PREPL: variants seen among roughly 807,000 people sequenced by gnomAD.
PREPL encodes the protein prolyl endopeptidase like, also known as prolyl endopeptidase-like.
In PREPL, 77 loss-of-function variants were observed where a neutral mutation model predicts 70.6. The observed-to-expected ratio is 1.09, with a 90% CI of 0.91 to 1.32. The LOEUF (loss-of-function observed/expected upper bound fraction) is 1.32, where lower values mean the gene tolerates loss of function less well. Among genes scored for constraint, PREPL ranks in the 40% most tolerant of loss-of-function variants. The pLI is 0.00. For synonymous variants in PREPL, 315 were observed against 264.8 expected (o/e 1.19, Z -1.84); for missense variants, 1,002 against 778.2 (o/e 1.29, Z -3.42).
intron 6 of PREPL, 106 bp from the exon 7 acceptor site, chr2:44,338,642 A>G: frequency 2.2e-6 from 2 of 928,616 alleles, no homozygotes; most frequent in East Asian, 2.5e-5. Flanking sequence ...TCACTGTTTT[A>G]TGAAGAGCTG....
intron 7 of PREPL, among the ~76,000 whole-genome samples, chr2:44,334,606 C>T (rs1558497725): frequency 6.6e-6 from 1 of 152,164 alleles, no homozygotes; most frequent in Non-Finnish European, 1.5e-5. Context: ...AATGCAGTGG[C>T]GTGATCTCGG....
In PREPL at chr2:44,318,036, T is replaced by C; in HGVS notation, c.*3320A>G. On this transcript the variant is annotated 3_prime_UTR_variant, in exon 14 of 14. Transcript: ENST00000409411. ...TTATCTTTTGACCTAATAATTCCATTCCTAATACTTAGAAATATTTGCACA... is the reference window on the plus strand; with the variant it reads ...TTATCTTTTGACCTAATAATTCCATCCCTAATACTTAGAAATATTTGCACA... 2.4e-6 allele frequency: 1 copy of C among 410,524 alleles called. No individual in the cohort carries two copies. The highest frequency in any genetic ancestry group is 1.7e-5 in the South Asian group (1 of 58,074). The allele number at this position is 410,524 out of a possible 1,614,324, so 25.4% of individuals were successfully genotyped here. A position where few individuals can be genotyped will look rare whatever the true frequency, so the allele number is the denominator to read the frequency against.
chr2:44,324,688 G>A (rs539665025), intron 10 of PREPL, among the ~76,000 whole-genome samples: 7 of 151,848 alleles, frequency 4.6e-5, no homozygotes, highest in Non-Finnish European at 1.0e-4. Context: ...AACTAGCCTG[G>A]GTAGCATGGT....
rs548075249 is a variant in PREPL, at chr2:44,333,139, G to T, written c.889-483C>A. On this transcript the variant is annotated intron_variant, in intron 7 of 13. Transcript: ENST00000409411. Reference sequence around the variant, plus strand: ...CAGTGATGACAGTTATTATTTCAGGGCTATAAACGGGCTCAGCAGCATTAA... The same window carrying T: ...CAGTGATGACAGTTATTATTTCAGGTCTATAAACGGGCTCAGCAGCATTAA... 3.3e-5 allele frequency among the ~76,000 whole-genome samples: 5 copies of T among 152,240 alleles called. No homozygotes were observed. The South Asian group carries it at 8.3e-4, about 25-fold the overall frequency.
At chr2:44,349,484 A>C (rs1676173878) in intron 1 of PREPL, among the ~76,000 whole-genome samples, 1 of 152,226 alleles carries the variant, frequency 6.6e-6, no homozygotes, top group Non-Finnish European at 1.5e-5. Context: ...CAATTGAAAA[A>C]CAGAATGCAA....
intron 1 of PREPL, among the ~76,000 whole-genome samples, chr2:44,354,964 C>T (rs1232666121): frequency 2.0e-5 from 3 of 152,068 alleles, no homozygotes; most frequent in Admixed American, 1.3e-4. Context: ...AAACCAGGTA[C>T]GTTTTAGAAT....
intron 5 of PREPL, among the ~76,000 whole-genome samples, chr2:44,340,905 G>T (rs1266860134): frequency 6.7e-6 from 1 of 148,368 alleles, no homozygotes. Flanking sequence ...TCCAGTCTGG[G>T]TGACAGAGTG....
intron 1 of PREPL, among the ~76,000 whole-genome samples, chr2:44,355,385 T>G: frequency 6.6e-6 from 1 of 152,076 alleles, no homozygotes; most frequent in East Asian, 1.9e-4. Flanking sequence ...TGTCTCTACT[T>G]AAAATATAAA....
chr2:44,359,509 G>T (rs749467366), intron 1 of PREPL: 3 of 1,608,080 alleles, frequency 1.9e-6, no homozygotes, highest in South Asian at 2.2e-5. Flanking sequence ...TACATGAGAA[G>T]CTCCGACTTG....
rs79079517 is a variant in PREPL at position 44,357,882 on chromosome 2, G to T, written c.-49+3498C>A. 5.6e-3 allele frequency among the ~76,000 whole-genome samples: 854 copies of T among 152,168 alleles called. 8 individuals carry two copies. The highest frequency in any genetic ancestry group is 0.019 in the African/African-American group (800 of 41,516). On this transcript the variant is annotated intron_variant, in intron 1 of 13. Coordinates refer to ENST00000409411, the MANE Select transcript of PREPL (RefSeq NM_001171613.2). The stretch of plus-strand genomic sequence containing the variant: ...AAAAAACACAAAAATGAAATAAAAA[G>T]AAGTTATAAAGAATTTCTAAATGAG...
In PREPL at chr2:44,318,159, C is replaced by A. The variant is rs72802996; in HGVS notation, c.*3197G>T. ...ATGCTCGAGTGCAGTGGCGTGATCT[C>A]GGCACACTGCAGCCTCTGCTTCCTG... On this transcript the variant is annotated 3_prime_UTR_variant, in exon 14 of 14. Coordinates refer to ENST00000409411, the MANE Select transcript of PREPL (RefSeq NM_001171613.2). 2.3e-6 allele frequency: 1 copy of A among 434,536 alleles called. No individual in the cohort carries two copies. Among genetic ancestry groups the A allele is most frequent in the Non-Finnish European group, 4.6e-6 (1 of 217,110 alleles). 26.9% of individuals were successfully genotyped at this position (434,536 alleles called of 1,614,324 possible).
intron 12 of PREPL, among the ~76,000 whole-genome samples, chr2:44,322,364 C>A (rs1673058972): frequency 6.6e-6 from 1 of 151,940 alleles, no homozygotes; most frequent in Non-Finnish European, 1.5e-5. Flanking sequence ...CACTGATGGC[C>A]CAAAACAAAA....
chr2:44,334,222 G>T (rs534555845), intron 7 of PREPL, among the ~76,000 whole-genome samples: 2 of 152,276 alleles, frequency 1.3e-5, no homozygotes, highest in South Asian at 4.1e-4. Flanking sequence ...GCACCAGAGA[G>T]TAAGTAGGCC....
intron 8 of PREPL, 22 bp from the exon 9 acceptor site, chr2:44,329,134 G>T: frequency 6.4e-7 from 1 of 1,551,256 alleles, no homozygotes; most frequent in Non-Finnish European, 8.9e-7. Context: ...GAATTACTAT[G>T]TATGTAAAGA....
chr2:44,323,134 G>A (rs1572840870), intron 11 of PREPL, 128 bp downstream of exon 11: 3 of 941,354 alleles, frequency 3.2e-6, no homozygotes, highest in East Asian at 2.6e-5. Flanking sequence ...AGATGGTGCT[G>A]AAGATATTTG....
chr2:44,336,217 T>C (rs116775414), intron 7 of PREPL, among the ~76,000 whole-genome samples: 3,678 of 152,256 alleles, frequency 0.024, 57 homozygotes, highest in Non-Finnish European at 0.039. Context: ...ACCAAAGGAA[T>C]ACAAATCGCT....
intron 1 of PREPL, chr2:44,359,643 T>A: frequency 6.2e-7 from 1 of 1,613,170 alleles, no homozygotes. Flanking sequence ...AAATGCTGTT[T>A]CTGCATGCAT....
chr2:44,350,150 A>T, intron 1 of PREPL, among the ~76,000 whole-genome samples: 1 of 152,222 alleles, frequency 6.6e-6, no homozygotes, highest in Non-Finnish European at 1.5e-5. Flanking sequence ...CAATTAAAAA[A>T]ATCAATCTTA....
intron 2 of PREPL, among the ~76,000 whole-genome samples, chr2:44,344,853 C>G (rs1675618010): frequency 6.6e-6 from 1 of 152,190 alleles, no homozygotes; most frequent in Non-Finnish European, 1.5e-5. Context: ...TCTGTCAGTT[C>G]TCACAACTGT....
Sources: allele counts gnomAD v4.1 joint callset (sites outside exome capture counted in the v4.1 genomes callset), GRCh38; gene constraint gnomAD v4.1.1; transcripts MANE v1.5; gene names NCBI Gene and HGNC (gene_info 2026-07-23, HGNC 2026-07-21).